GPR137C: variants seen among roughly 807,000 people sequenced by gnomAD.
The protein encoded by GPR137C is G protein-coupled receptor 137C.
In GPR137C, 27 loss-of-function variants were observed where a neutral mutation model predicts 43.4. The ratio of observed to expected loss-of-function variants is 0.62; its 90% CI spans 0.46 to 0.86. The LOEUF is 0.86. Ranked by LOEUF, GPR137C falls within the 40% of genes least tolerant of loss-of-function variation. The pLI is 0.00. For missense variants in GPR137C, 522 were observed against 534.6 expected (o/e 0.98, Z 0.23); for synonymous variants, 285 against 226.9 (o/e 1.26, Z -2.30).
chr14:52,555,776 A>T (rs1020352862), intron 1 of GPR137C, among the ~76,000 whole-genome samples: 2 of 152,162 alleles, frequency 1.3e-5, no homozygotes, highest in African/African-American at 4.8e-5. Context: ...TTGTTTGTCT[A>T]TCCTTTCTTT....
chr14:52,626,101 C>T (rs1251115859), intron 3 of GPR137C, among the ~76,000 whole-genome samples: 1 of 151,938 alleles, frequency 6.6e-6, no homozygotes, highest in Non-Finnish European at 1.5e-5. Flanking sequence ...TATAAATAAT[C>T]GAGATGATTT....
intron 3 of GPR137C, among the ~76,000 whole-genome samples, chr14:52,625,760 T>G (rs575837900): frequency 6.6e-6 from 1 of 151,848 alleles, no homozygotes; most frequent in East Asian, 2.0e-4. Context: ...TTCACCGTGT[T>G]AGCCAGGATG....
At chr14:52,628,787 C>CT (rs2039260567) in intron 3 of GPR137C, among the ~76,000 whole-genome samples, 1 of 152,076 alleles carries the variant, frequency 6.6e-6, no homozygotes, top group Non-Finnish European at 1.5e-5. Context: ...CAGAGGGAGA[C>CT]TGTCTCAAAA....
chr14:52,577,366 A>G (rs2038573335), intron 1 of GPR137C, among the ~76,000 whole-genome samples: 1 of 152,058 alleles, frequency 6.6e-6, no homozygotes, highest in African/African-American at 2.4e-5. Context: ...TTATAGTGTT[A>G]AATGTCTACA....
intron 1 of GPR137C, among the ~76,000 whole-genome samples, chr14:52,577,172 G>GTA (rs1199655770): frequency 4.6e-5 from 4 of 87,440 alleles, no homozygotes; most frequent in African/African-American, 9.8e-5. Context: ...GGGCGACAGA[G>GTA]TAAGACTCCT....
chr14:52,570,443 G>A (rs141753553), intron 1 of GPR137C, among the ~76,000 whole-genome samples: 271 of 152,102 alleles, frequency 1.8e-3, no homozygotes, highest in Middle Eastern at 3.4e-3. Flanking sequence ...ATCGACTAAC[G>A]GGCAAAATAA....
chr14:52,609,677 A>G (rs1047456559), intron 3 of GPR137C, among the ~76,000 whole-genome samples: 10 of 152,166 alleles, frequency 6.6e-5, no homozygotes, highest in Non-Finnish European at 7.4e-5. Flanking sequence ...AGGGCTCGGA[A>G]GTTGATGCCA....
intron 2 of GPR137C, 99 bp downstream of exon 2, chr14:52,598,414 A>G (rs1374656911): frequency 7.9e-6 from 4 of 505,406 alleles, no homozygotes; most frequent in African/African-American, 2.0e-5. Context: ...TTTTTTTAAT[A>G]GTAGACTTCT....
chr14:52,625,519 G>A (rs1390050353), intron 3 of GPR137C, among the ~76,000 whole-genome samples: 1 of 135,320 alleles, frequency 7.4e-6, no homozygotes, highest in Non-Finnish European at 1.6e-5. Context: ...AAATAGAGGA[G>A]GGAAGAACAC....
intron 3 of GPR137C, among the ~76,000 whole-genome samples, chr14:52,625,071 TAAAG>T (rs1340338205): frequency 6.6e-6 from 1 of 152,196 alleles, no homozygotes; most frequent in Non-Finnish European, 1.5e-5. Context: ...CCATATTTAT[TAAAG>T]AAATTAAAGT....
chr14:52,563,497 C>T (rs1044194357), intron 1 of GPR137C, among the ~76,000 whole-genome samples: 1 of 152,066 alleles, frequency 6.6e-6, no homozygotes, highest in African/African-American at 2.4e-5. Flanking sequence ...AAACCTGGTT[C>T]TTGAACCAGG....
chr14:52,595,774 A>G (rs2038846873), intron 1 of GPR137C, among the ~76,000 whole-genome samples: 1 of 152,118 alleles, frequency 6.6e-6, no homozygotes, highest in African/African-American at 2.4e-5. Flanking sequence ...ATGCTCCTTT[A>G]GCTCGGAGAA....
At chr14:52,615,222 A>G (rs1218611857) in intron 3 of GPR137C, among the ~76,000 whole-genome samples, 1 of 152,148 alleles carries the variant, frequency 6.6e-6, no homozygotes, top group Non-Finnish European at 1.5e-5. Context: ...CCTTTTCCCC[A>G]GTGTATGTTC....
chr14:52,634,660 C>T (rs2139588183), intron 6 of GPR137C, among the ~76,000 whole-genome samples: 1 of 152,156 alleles, frequency 6.6e-6, no homozygotes, highest in African/African-American at 2.4e-5. Flanking sequence ...GAGCTGAGTA[C>T]ATAAGGACTA....
chr14:52,608,182 T>A (rs1340445244), intron 3 of GPR137C, among the ~76,000 whole-genome samples: 1 of 152,202 alleles, frequency 6.6e-6, no homozygotes. Flanking sequence ...CCTTTCTTCC[T>A]TTTTTACTGT....
At chr14:52,579,135 G>A (rs2139479962) in intron 1 of GPR137C, among the ~76,000 whole-genome samples, 2 of 152,256 alleles carry the variant, frequency 1.3e-5, no homozygotes, top group South Asian at 4.1e-4. Context: ...AAGAGTAAAG[G>A]TCTATTCCAG....
chr14:52,565,748 T>G (rs2038359803), intron 1 of GPR137C, among the ~76,000 whole-genome samples: 1 of 152,182 alleles, frequency 6.6e-6, no homozygotes, highest in East Asian at 1.9e-4. Context: ...AAAGACAAAC[T>G]TCTAAAAATT....
intron 1 of GPR137C, 21 bp downstream of exon 1, chr14:52,553,612 T>A (rs1594775267): frequency 5.8e-6 from 8 of 1,389,474 alleles, no homozygotes; most frequent in Non-Finnish European, 5.7e-6. Flanking sequence ...AGGGCCGGCA[T>A]GCGGGGCCCG....
At chr14:52,585,597 G>A (rs975559199) in intron 1 of GPR137C, among the ~76,000 whole-genome samples, 6 of 152,232 alleles carry the variant, frequency 3.9e-5, no homozygotes, top group African/African-American at 1.2e-4. Context: ...ACTTTGGGAG[G>A]CCAAGGCGGG....
Sources: gnomAD v4.1 joint callset for allele counts (sites outside exome capture counted in the v4.1 genomes callset) on GRCh38, gnomAD v4.1.1 for gene constraint, MANE v1.5 for transcripts, NCBI Gene and HGNC (gene_info 2026-07-23, HGNC 2026-07-21) for gene names.